The following UBE2D3 variants were observed in gnomAD, a reference collection of about 807,000 sequenced individuals.
The protein encoded by UBE2D3 is ubiquitin conjugating enzyme E2 D3, also known as ubiquitin-conjugating enzyme E2 D3.
In UBE2D3, 2 loss-of-function variants were observed where a neutral mutation model predicts 22.8. That is an observed-to-expected ratio of 0.09 (90% CI 0.04 to 0.28). UBE2D3 has a LOEUF of 0.28. Among genes scored for constraint, UBE2D3 ranks in the 10% least tolerant of loss-of-function variants. The probability of loss-of-function intolerance (pLI) is 1.00; values close to 1 mark genes in which losing one functional copy is unlikely to be tolerated. For missense variants in UBE2D3, 27 were observed against 182.5 expected, an observed-to-expected ratio of 0.15 and a Z score of 4.91; for synonymous variants, 56 against 60.4, an observed-to-expected ratio of 0.93 and a Z score of 0.34.
intron 1 of UBE2D3, among the ~76,000 whole-genome samples, chr4:102,842,521 ACTCTAGCCTGAGTGACAGAAAGCCTGT>A (rs1560886218): frequency 6.6e-6 from 1 of 151,432 alleles, no homozygotes; most frequent in African/African-American, 2.4e-5. Flanking sequence ...AGGCCAGTGC[ACTCTAGCCTGAGTGACAGAAAGCCTGT>A]CTTAAAAAAA....
At chr4:102,811,859 A>G in intron 2 of UBE2D3, 1 of 400,712 alleles carries the variant, frequency 2.5e-6, no homozygotes, top group South Asian at 1.8e-5. Flanking sequence ...CTCCATAAAA[A>G]GAAAAAAAAA....
upstream of UBE2D3, chr4:102,828,183 C>G (rs1274145534): frequency 3.5e-5 from 34 of 985,360 alleles, no homozygotes; most frequent in Non-Finnish European, 4.1e-5. Context: ...ATTCCCCAGA[C>G]TGGTAAGAGC....
chr4:102,825,812 A>T (rs1730371755), intron 2 of UBE2D3: 1 of 455,878 alleles, frequency 2.2e-6, no homozygotes, highest in Admixed American at 2.4e-5. Flanking sequence ...CTTTTACATC[A>T]GTTCCCGGTG....
chr4:102,823,940 C>T (rs1452409466), intron 2 of UBE2D3, among the ~76,000 whole-genome samples: 1 of 152,142 alleles, frequency 6.6e-6, no homozygotes, highest in Non-Finnish European at 1.5e-5. Context: ...GAAATAGGTA[C>T]GTAACACAAG....
intron 4 of UBE2D3, among the ~76,000 whole-genome samples, chr4:102,807,322 G>A (rs1175801608): frequency 1.3e-5 from 2 of 152,156 alleles, no homozygotes; most frequent in Non-Finnish European, 2.9e-5. Context: ...AACAAAATGA[G>A]TTGTTTCATT....
intron 2 of UBE2D3, chr4:102,825,506 G>C (rs1275853003): frequency 1.0e-5 from 12 of 1,170,128 alleles, no homozygotes; most frequent in Non-Finnish European, 1.3e-5. Context: ...GCCGGAAAGA[G>C]CCTGAACCAG....
chr4:102,803,108 C>T (rs28473453), intron 4 of UBE2D3, among the ~76,000 whole-genome samples: 15,670 of 152,198 alleles, frequency 0.1, 871 homozygotes, highest in East Asian at 0.13. Context: ...AAGAGGAGAA[C>T]AGAGAAAAGC....
At chr4:102,868,072 C>A (rs866451927) in intron 1 of UBE2D3, among the ~76,000 whole-genome samples, 1 of 115,278 alleles carries the variant, frequency 8.7e-6, no homozygotes, top group Admixed American at 1.0e-4. Flanking sequence ...GCTTTAGATT[C>A]TTTTTTTTTT....
chr4:102,822,577 A>G (rs890138492), intron 2 of UBE2D3, among the ~76,000 whole-genome samples: 44 of 152,248 alleles, frequency 2.9e-4, no homozygotes, highest in African/African-American at 9.4e-4. Context: ...ACTTAGATGT[A>G]TAAGTGGGAG....
chr4:102,848,260 C>T lies in UBE2D3; in HGVS notation c.-129+20455G>A, dbSNP rs184995909. ...GCACAGTGACTCCTTCCTGTAATCCCAGCACTTTGGGAGGCAAAGGCAGGA... is the reference window on the plus strand; with the variant it reads ...GCACAGTGACTCCTTCCTGTAATCCTAGCACTTTGGGAGGCAAAGGCAGGA... On this transcript the variant is annotated intron_variant, in intron 1 of 7. Transcript: ENST00000338145. Among the ~76,000 whole-genome samples the T allele has an allele frequency of 3.0e-3, 463 of 152,138 alleles. 5 individuals carry two copies. The highest frequency in any genetic ancestry group is 2.3e-3 in the Non-Finnish European group (156 of 67,960).
intron 1 of UBE2D3, among the ~76,000 whole-genome samples, chr4:102,846,142 A>C (rs1385065752): frequency 1.3e-5 from 2 of 152,222 alleles, no homozygotes; most frequent in East Asian, 3.9e-4. Flanking sequence ...TTAGGATTCT[A>C]ATGTTCCCAC....
chr4:102,831,815 G>T (rs556275884), upstream of UBE2D3, among the ~76,000 whole-genome samples: 34 of 152,264 alleles, frequency 2.2e-4, no homozygotes, highest in South Asian at 3.5e-3. Flanking sequence ...ACTTTCATTC[G>T]GTTTGTCAAT....
In UBE2D3 at chr4:102,794,526, G is replaced by A. The variant is rs996563147; in HGVS notation, c.*2889C>T. On this transcript the variant is annotated 3_prime_UTR_variant, in exon 8 of 8. Coordinates refer to ENST00000453744, the MANE Select transcript of UBE2D3 (RefSeq NM_181891.3). ...TCATAAAAGACAAATTCACTTAAAA[G>A]TGTAATCAACAATCATTAACAGTTT... is the stretch of plus-strand genomic sequence containing the variant. The A allele has an allele frequency of 6.6e-5, 10 of 152,134 alleles. 1 individual carries two copies. The highest frequency in any genetic ancestry group is 2.4e-4 in the African/African-American group (10 of 41,542). The allele number at this position is 152,134 out of a possible 1,614,324, so 9.4% of individuals were successfully genotyped here. A position where few individuals can be genotyped will look rare whatever the true frequency, so the allele number is the denominator to read the frequency against.
intron 1 of UBE2D3, among the ~76,000 whole-genome samples, chr4:102,839,261 TTTC>T (rs1731605629): frequency 2.0e-5 from 3 of 152,094 alleles, no homozygotes; most frequent in Admixed American, 1.3e-4. Flanking sequence ...ATCATATGAC[TTTC>T]TTCTTCTTTC....
intron 1 of UBE2D3, among the ~76,000 whole-genome samples, chr4:102,849,364 C>CAAAAAAAAAAAA (rs55874314): frequency 1.6e-5 from 1 of 63,252 alleles, no homozygotes; most frequent in Admixed American, 1.9e-4. Flanking sequence ...ACCCCTGTCT[C>CAAAAAAAAAAAA]AAAAAAAAAA....
chr4:102,855,394 A>G (rs558721487), intron 1 of UBE2D3, among the ~76,000 whole-genome samples: 1 of 152,298 alleles, frequency 6.6e-6, no homozygotes, highest in East Asian at 1.9e-4. Flanking sequence ...GAATAATAGG[A>G]TATACCAATA....
At chr4:102,806,893 G>A (rs1264974766) in intron 4 of UBE2D3, among the ~76,000 whole-genome samples, 3 of 151,762 alleles carry the variant, frequency 2.0e-5, no homozygotes, top group Non-Finnish European at 2.9e-5. Context: ...CATTTCTTTC[G>A]AAGGTTTAGT....
At chr4:102,825,493 G>A (rs940647193) in intron 2 of UBE2D3, 2 of 1,153,656 alleles carry the variant, frequency 1.7e-6, no homozygotes, top group African/African-American at 1.6e-5. Context: ...TACGAAAGGA[G>A]ATGCCGGAAA....
intron 4 of UBE2D3, among the ~76,000 whole-genome samples, chr4:102,805,575 C>T (rs1726900655): frequency 6.7e-6 from 1 of 150,154 alleles, no homozygotes; most frequent in African/African-American, 2.5e-5. Flanking sequence ...CAACCTCCAC[C>T]TCCCAGGTTC....
Sources: gnomAD v4.1 joint callset for allele counts (sites outside exome capture counted in the v4.1 genomes callset) on GRCh38, gnomAD v4.1.1 for gene constraint, MANE v1.5 for transcripts, NCBI Gene and HGNC (gene_info 2026-07-23, HGNC 2026-07-21) for gene names.